Variants in ATXN7L1 observed in about 807,000 individuals in gnomAD.
ATXN7L1 encodes the protein ataxin-7-like protein 1.
ATXN7L1 carries 15 observed loss-of-function variants against 70.8 expected under a neutral mutation model. That is an observed-to-expected ratio of 0.21 (90% CI 0.14 to 0.33). The LOEUF is 0.33. ATXN7L1 is among the 10% of genes least tolerant of loss of function. The pLI is 1.00. For synonymous variants in ATXN7L1, 440 were observed against 445.1 expected (o/e 0.99, Z 0.14); for missense variants, 975 against 1,097.1 (o/e 0.89, Z 1.57).
At chr7:105,793,395 G>A (rs1805529354) in intron 2 of ATXN7L1, among the ~76,000 whole-genome samples, 1 of 152,222 alleles carries the variant, frequency 6.6e-6, no homozygotes, top group Non-Finnish European at 1.5e-5. Flanking sequence ...AGGAGAGAGT[G>A]TGGAGAAAGC....
chr7:105,609,317 G>A lies in ATXN7L1; in HGVS notation c.2547+1212C>T, dbSNP rs539070488. 8.6e-5 allele frequency among the ~76,000 whole-genome samples: 13 copies of A among 151,116 alleles called. No homozygotes were observed. The East Asian group carries it at 1.2e-3, about 14-fold the overall frequency. On this transcript the variant is annotated intron_variant, in intron 11 of 11. Coordinates refer to ENST00000419735, the MANE Select transcript of ATXN7L1 (RefSeq NM_020725.2). ...CCTGAGTAGCTGGGATTACAGGTGCGCACCACCATGCCCAGCTAATTTTGC... is the reference window on the plus strand; with the variant it reads ...CCTGAGTAGCTGGGATTACAGGTGCACACCACCATGCCCAGCTAATTTTGC...
At chr7:105,702,930 A>G (rs1792650884) in intron 3 of ATXN7L1, among the ~76,000 whole-genome samples, 1 of 152,090 alleles carries the variant, frequency 6.6e-6, no homozygotes, top group Non-Finnish European at 1.5e-5. Flanking sequence ...CATCCTGACT[A>G]ACAGTGAAAC....
intron 2 of ATXN7L1, among the ~76,000 whole-genome samples, chr7:105,831,656 T>C (rs567162411): frequency 3.9e-5 from 6 of 152,260 alleles, no homozygotes; most frequent in African/African-American, 1.4e-4. Context: ...AGTCCTACAA[T>C]ATAGGAGATG....
chr7:105,853,305 C>T (rs1373001761), intron 2 of ATXN7L1, among the ~76,000 whole-genome samples: 3 of 152,150 alleles, frequency 2.0e-5, no homozygotes, highest in African/African-American at 4.8e-5. Flanking sequence ...TCCCAGCACT[C>T]TGGGAGGCCG....
chr7:105,679,113 A>G (rs1007002223), intron 3 of ATXN7L1: 3 of 985,720 alleles, frequency 3.0e-6, no homozygotes, highest in Non-Finnish European at 2.4e-6. Flanking sequence ...GGGCAACGCG[A>G]CTCGTGGTAG....
chr7:105,681,457 T>C (rs568387027), intron 3 of ATXN7L1, among the ~76,000 whole-genome samples: 1 of 152,180 alleles, frequency 6.6e-6, no homozygotes, highest in Non-Finnish European at 1.5e-5. Flanking sequence ...TTGGTGGGAA[T>C]GTAAAATGGT....
intron 7 of ATXN7L1, among the ~76,000 whole-genome samples, chr7:105,630,747 TAA>T: frequency 8.6e-6 from 1 of 116,240 alleles, no homozygotes; most frequent in Non-Finnish European, 1.9e-5. Context: ...AATAAATAAA[TAA>T]AAGAGACACA....
At chr7:105,788,539 G>T (rs529534576) in intron 3 of ATXN7L1, 65 bp downstream of exon 3, 40 of 1,338,804 alleles carry the variant, frequency 3.0e-5, no homozygotes, top group Middle Eastern at 3.7e-4. Context: ...GGGGAGCCCA[G>T]GGGAAGGCGA....
At chr7:105,823,839 G>T (rs561436852) in intron 2 of ATXN7L1, among the ~76,000 whole-genome samples, 1 of 152,322 alleles carries the variant, frequency 6.6e-6, no homozygotes, top group South Asian at 2.1e-4. Context: ...GATGCAAAGT[G>T]AGTATATCCG....
At chr7:105,618,904 G>T (rs1794327651) in intron 9 of ATXN7L1, among the ~76,000 whole-genome samples, 2 of 152,118 alleles carry the variant, frequency 1.3e-5, no homozygotes, top group South Asian at 4.1e-4. Flanking sequence ...AAGTACACTG[G>T]GAAGTGGATA....
At chr7:105,757,775 C>T (rs2116403070) in intron 3 of ATXN7L1, among the ~76,000 whole-genome samples, 1 of 148,730 alleles carries the variant, frequency 6.7e-6, no homozygotes, top group Non-Finnish European at 1.5e-5. Flanking sequence ...TTTTTTGTAG[C>T]AATAGGGTCT....
chr7:105,644,488 G>GT, intron 4 of ATXN7L1, among the ~76,000 whole-genome samples: 1 of 152,288 alleles, frequency 6.6e-6, no homozygotes, highest in Admixed American at 6.5e-5. Flanking sequence ...TAGAATGACA[G>GT]TTTTTTGTAA....
intron 2 of ATXN7L1, among the ~76,000 whole-genome samples, chr7:105,797,769 G>C (rs930650205): frequency 1.3e-5 from 2 of 152,172 alleles, no homozygotes; most frequent in African/African-American, 4.8e-5. Context: ...TCCCCTCCTG[G>C]TGCGCCCTCA....
At chr7:105,636,458 C>T (rs1797401243) in intron 7 of ATXN7L1, among the ~76,000 whole-genome samples, 1 of 151,452 alleles carries the variant, frequency 6.6e-6, no homozygotes, top group African/African-American at 2.4e-5. Context: ...CCCCCCCCAC[C>T]CCCACTTCTT....
intron 3 of ATXN7L1, among the ~76,000 whole-genome samples, chr7:105,784,878 G>C (rs1804065558): frequency 6.6e-6 from 1 of 152,202 alleles, no homozygotes; most frequent in Non-Finnish European, 1.5e-5. Context: ...ATGTTCTGTG[G>C]AGCCCTGGCA....
Position 105,613,902 on chromosome 7 carries a change from G to T in ATXN7L1, c.2432C>A (p.Ala811Glu). 1 of 1,552,146 alleles carries T rather than the reference G, an allele frequency of 6.4e-7. No homozygotes were observed. Among genetic ancestry groups the T allele is most frequent in the Non-Finnish European group, 8.7e-7 (1 of 1,147,070 alleles). The change falls in exon 10 of 12, where the codon GCA (alanine) becomes GAA (glutamate). Residue 811 changes from alanine (A) to glutamate (E), a missense_variant. By Grantham distance (107) the Ala-to-Glu change is moderately radical. Around this residue, in one of 5 missense-constraint regions of ATXN7L1, gnomAD observed 635 missense variants for 699.4 expected, o/e 0.91. Transcript: ENST00000419735. ...VHKKNPPSLL[A>E]PVPDPVNSTS... ...GCTGTTAACGGGATCGGGCACCGGT[G>T]CGAGAAGGCTGGGCGGGTTCTTTTT...
chr7:105,655,474 A>AG (rs899526269), intron 4 of ATXN7L1, among the ~76,000 whole-genome samples: 1 of 152,174 alleles, frequency 6.6e-6, no homozygotes, highest in Admixed American at 6.5e-5. Flanking sequence ...GGGCAGAGTG[A>AG]GGGGCAAGGA....
chr7:105,753,083 A>C (rs1799394569), intron 3 of ATXN7L1, among the ~76,000 whole-genome samples: 1 of 152,248 alleles, frequency 6.6e-6, no homozygotes, highest in African/African-American at 2.4e-5. Flanking sequence ...CTGTGATGTG[A>C]GCCACAGAGC....
intron 2 of ATXN7L1, among the ~76,000 whole-genome samples, chr7:105,866,573 T>G (rs965938910): frequency 2.0e-5 from 3 of 152,144 alleles, no homozygotes; most frequent in African/African-American, 4.8e-5. Context: ...GTTTCATCAT[T>G]AGTTCAAGCG....
Sources: gnomAD v4.1 joint callset for allele counts (sites outside exome capture counted in the v4.1 genomes callset) on GRCh38, gnomAD v4.1.1 for gene constraint, gnomAD v4.1.1 regional missense constraint, MANE v1.5 for transcripts, NCBI Gene and HGNC (gene_info 2026-07-23, HGNC 2026-07-21) for gene names.